The following SART1 variants were observed in gnomAD, a reference collection of about 807,000 sequenced individuals.
SART1 encodes the protein spliceosome associated factor 1, recruiter of U4/U6.U5 tri-snRNP.
A neutral mutation model predicts 105.0 loss-of-function variants in SART1; 28 were observed. The ratio of observed to expected loss-of-function variants is 0.27; its 90% CI spans 0.20 to 0.37. The LOEUF (loss-of-function observed/expected upper bound fraction) is 0.37. SART1 is among the 10% of genes least tolerant of loss of function. The probability of loss-of-function intolerance (pLI) is 1.00; values close to 1 mark genes in which losing one functional copy is unlikely to be tolerated. For missense variants in SART1, 894 were observed against 1,106.5 expected (o/e 0.81, Z 2.72); for synonymous variants, 472 against 462.9 (o/e 1.02, Z -0.25).
rs868022536 is a variant in SART1, at chr11:65,965,407, G to A, written c.620G>A (p.Ser207Asn). The A allele has an allele frequency of 4.5e-6, 7 of 1,569,546 alleles. No homozygotes were observed. The African/African-American group carries it at 8.2e-5, about 18-fold the overall frequency. ...LDDTAAWIERSRQLQKEKDLA... is the reference protein window; with the variant it reads ...LDDTAAWIERNRQLQKEKDLA... ...GACACTGCAGCCTGGATCGAGAGGA[G>A]CCGGCAGCTGCAGAAGGAGAAGGAC... The change falls in exon 5 of 20, where the codon AGC (serine) becomes AAC (asparagine). Residue 207 changes from serine (S) to asparagine (N), a missense_variant. Around this residue, in one of 2 missense-constraint regions of SART1, gnomAD observed 712 missense variants for 778.2 expected, o/e 0.91. Coordinates refer to ENST00000312397, the MANE Select transcript of SART1 (RefSeq NM_005146.5).
At position 65,978,093 on chromosome 11, in the gene SART1, TG is replaced by T; in HGVS notation, c.2172+197del. 1.6e-6 allele frequency: 1 copy of T among 621,676 alleles called. No individual in the cohort carries two copies. Among genetic ancestry groups the T allele is most frequent in the South Asian group, 2.0e-5 (1 of 51,028 alleles). The allele number at this position is 621,676 out of a possible 1,614,324, so 38.5% of individuals were successfully genotyped here. On this transcript the variant is annotated intron_variant, in intron 17 of 19. Transcript: ENST00000312397. The surrounding 1 kb of genome is among the most constrained non-coding windows in gnomAD (Gnocchi z 6.8). The stretch of plus-strand genomic sequence containing the variant: ...AGGCTGTGCCTCAGTTTGTCTCTAG[TG>T]GGCACAGCAGTCTCTTTGCAAGCCT...
chr11:65,967,705 T>C lies in SART1; in HGVS notation c.1456T>C (p.Ser486Pro). The change falls in exon 12 of 20, where the codon TCC becomes CCC. Residue 486 changes from serine (S) to proline (P), a missense_variant. Coordinates refer to ENST00000312397, the MANE Select transcript of SART1 (RefSeq NM_005146.5). ...EEEGGAPPPG[S>P]PQVLEEDEAE... is the part of the protein sequence containing the mutation. The stretch of plus-strand genomic sequence containing the variant: ...GGAAGGTGGAGCTCCACCGCCGGGG[T>C]CCCCGCAGGTGCTGGAGGAGGACGA... 3.2e-6 allele frequency: 5 copies of C among 1,560,932 alleles called. No homozygotes were observed. Among genetic ancestry groups the C allele is most frequent in the Non-Finnish European group, 4.3e-6 (5 of 1,152,438 alleles).
chr11:65,973,342 C>G (rs1185184166), intron 12 of SART1, among the ~76,000 whole-genome samples: 1 of 151,556 alleles, frequency 6.6e-6, no homozygotes, highest in Non-Finnish European at 1.5e-5. Context: ...ATCAACACAA[C>G]AGGAAAATAG....
At chr11:65,967,448 C>T in intron 10 of SART1, 23 bp from the exon 11 acceptor site, 1 of 1,613,678 alleles carries the variant, frequency 6.2e-7, no homozygotes, top group South Asian at 1.1e-5. Flanking sequence ...CCGGTGCTCA[C>T]CAGAGAGGCC....
At chr11:65,971,472 TGGTG>T in intron 12 of SART1, among the ~76,000 whole-genome samples, 1 of 41,846 alleles carries the variant, frequency 2.4e-5, no homozygotes, top group African/African-American at 1.2e-4. Flanking sequence ...AGGAGGGGGA[TGGTG>T]GGATTCATGA....
At chr11:65,974,098 C>T (rs1230489368) in intron 12 of SART1, among the ~76,000 whole-genome samples, 1 of 149,944 alleles carries the variant, frequency 6.7e-6, no homozygotes, top group African/African-American at 2.5e-5. Flanking sequence ...TGCGGTGGCT[C>T]ACACCTGTAA....
chr11:65,968,219 A>T (rs1189188812), intron 12 of SART1, among the ~76,000 whole-genome samples: 1 of 152,178 alleles, frequency 6.6e-6, no homozygotes, highest in Non-Finnish European at 1.5e-5. Context: ...AAATGCTAAA[A>T]TTACAGGTGT....
At chr11:65,972,061 C>T (rs1855389715) in intron 12 of SART1, among the ~76,000 whole-genome samples, 1 of 151,810 alleles carries the variant, frequency 6.6e-6, no homozygotes, top group Admixed American at 6.6e-5. Flanking sequence ...TAGGGCTTCC[C>T]GATATGAATT....
chr11:65,971,826 TGGAGTC>T (rs1429108111), intron 12 of SART1, among the ~76,000 whole-genome samples: 2 of 152,020 alleles, frequency 1.3e-5, no homozygotes, highest in Non-Finnish European at 1.5e-5. Flanking sequence ...GGACAGGGCC[TGGAGTC>T]GTGATGTGGT....
chr11:65,979,001 C>G lies in SART1; in HGVS notation c.2385-11C>G. 1 of 1,614,150 alleles carries G rather than the reference C, an allele frequency of 6.2e-7. No individual in the cohort carries two copies. The highest frequency in any genetic ancestry group is 8.5e-7 in the Non-Finnish European group (1 of 1,180,024). Reference sequence around the variant, plus strand: ...GCCTCTGCAGCCTCACGCCCCTGTTCTTCTCTGCAGGAACACCATCACCAA... The same window carrying G: ...GCCTCTGCAGCCTCACGCCCCTGTTGTTCTCTGCAGGAACACCATCACCAA... On this transcript the variant is annotated splice_polypyrimidine_tract_variant and intron_variant, in intron 19 of 19. Coordinates refer to ENST00000312397, the MANE Select transcript of SART1 (RefSeq NM_005146.5).
intron 12 of SART1, among the ~76,000 whole-genome samples, chr11:65,969,128 G>C (rs1047703921): frequency 1.3e-5 from 2 of 152,168 alleles, no homozygotes; most frequent in Non-Finnish European, 2.9e-5. Context: ...GGCTGAACCC[G>C]GGACGGAGGC....
At position 65,978,037 on chromosome 11, in the gene SART1, C is replaced by A; in HGVS notation, c.2172+138C>A. On this transcript the variant is annotated intron_variant, in intron 17 of 19. Coordinates refer to ENST00000312397, the MANE Select transcript of SART1 (RefSeq NM_005146.5). This position sits in a 1 kb window ranked among gnomAD's most constrained non-coding sequence, Gnocchi z 6.8. ...CTGGCTGGGGGCCTGGTGAATGCCA[C>A]GGATGGGGAGGGGGCCCTCAGGGCT... 1 of 922,422 alleles carries A rather than the reference C, an allele frequency of 1.1e-6. No homozygotes were observed. Among genetic ancestry groups the A allele is most frequent in the Non-Finnish European group, 1.6e-6 (1 of 619,306 alleles). 57.1% of individuals were successfully genotyped at this position (922,422 alleles called of 1,614,324 possible).
chr11:65,978,541 A>G lies in SART1; in HGVS notation c.2173-59A>G, dbSNP rs927688658. On this transcript the variant is annotated intron_variant, in intron 17 of 19. Coordinates refer to ENST00000312397, the MANE Select transcript of SART1 (RefSeq NM_005146.5). The surrounding 1 kb of genome is among the most constrained non-coding windows in gnomAD (Gnocchi z 6.8). ...CCCTGTTATTATACACCTTGTGGGC[A>G]CAGGTGGCTCCGGCCCCACCCAGGG... The G allele has an allele frequency of 6.7e-7, 1 of 1,490,740 alleles. No homozygotes were observed. The highest frequency in any genetic ancestry group is 9.1e-7 in the Non-Finnish European group (1 of 1,093,358). The allele number at this position is 1,490,740 out of a possible 1,614,324, so 92.3% of individuals were successfully genotyped here.
chr11:65,978,947 GGT>G lies in SART1; in HGVS notation c.2384+35_2384+36del, dbSNP rs1565319529. ...GCTCGAGGCTGGTGGGGTAGGGTGT[GGT>G]GGGGAGGGGTGGCGTGGCCTGTGCC... On this transcript the variant is annotated intron_variant, in intron 19 of 19. Transcript: ENST00000312397. This position sits in a 1 kb window ranked among gnomAD's most constrained non-coding sequence, Gnocchi z 6.8. 1 of 1,613,472 alleles carries G rather than the reference GGT, an allele frequency of 6.2e-7. No individual in the cohort carries two copies. Among genetic ancestry groups the G allele is most frequent in the Non-Finnish European group, 8.5e-7 (1 of 1,179,858 alleles).
chr11:65,966,646 G>A lies in SART1; in HGVS notation c.1188+90G>A, dbSNP rs796070352. 59 of 1,351,754 alleles carry A rather than the reference G, an allele frequency of 4.4e-5. No homozygotes were observed. In the African/African-American group the frequency reaches 7.2e-4, roughly 16 times the overall value. 83.7% of individuals were successfully genotyped at this position (1,351,754 alleles called of 1,614,324 possible). A position where few individuals can be genotyped will look rare whatever the true frequency, so the allele number is the denominator to read the frequency against. On this transcript the variant is annotated intron_variant, in intron 9 of 19. Coordinates refer to ENST00000312397, the MANE Select transcript of SART1 (RefSeq NM_005146.5). The stretch of plus-strand genomic sequence containing the variant: ...CCCGCAGGCACTGAGAAGACAGGGC[G>A]AGTATTTGTGTTCACAAAGCGCTTG...
Position 65,967,727 on chromosome 11 carries a change from A to G in SART1, c.1478A>G (p.Asp493Gly), listed in dbSNP as rs777419247. 2.6e-6 allele frequency: 4 copies of G among 1,557,104 alleles called. No individual in the cohort carries two copies. The highest frequency in any genetic ancestry group is 3.5e-6 in the Non-Finnish European group (4 of 1,150,552). The change falls in exon 12 of 20, where the codon GAC becomes GGC. Residue 493 changes from aspartate to glycine, a missense_variant. By Grantham distance (94) the Asp-to-Gly change is moderately conservative (BLOSUM62 -1). Coordinates refer to ENST00000312397, the MANE Select transcript of SART1 (RefSeq NM_005146.5). ...GGGTCCCCGCAGGTGCTGGAGGAGG[A>G]CGAGGCGGAGCTGGAGCTGCAGAAG... ...PPGSPQVLEE[D>G]EAELELQKQL...
Position 65,976,378 on chromosome 11 carries a change from G to T in SART1, c.1573-17G>T. The T allele has an allele frequency of 6.6e-7, 1 of 1,517,220 alleles. No individual in the cohort carries two copies. Among genetic ancestry groups the T allele is most frequent in the South Asian group, 1.3e-5 (1 of 74,224 alleles). The allele number at this position is 1,517,220 out of a possible 1,614,324, so 94.0% of individuals were successfully genotyped here. Reference sequence around the variant, plus strand: ...CCAGAAACTGCTGGGTTTGCCCACAGCCGCTCCCTCCCCCAGGTGGTGGAG... The same window carrying T: ...CCAGAAACTGCTGGGTTTGCCCACATCCGCTCCCTCCCCCAGGTGGTGGAG... On this transcript the variant is annotated splice_polypyrimidine_tract_variant and intron_variant, in intron 12 of 19. Coordinates refer to ENST00000312397, the MANE Select transcript of SART1 (RefSeq NM_005146.5). This position sits in a 1 kb window ranked among gnomAD's most constrained non-coding sequence, Gnocchi z 5.1.
At position 65,976,825 on chromosome 11, in the gene SART1, C is replaced by T; in HGVS notation, c.1857+59C>T. 1.4e-6 allele frequency: 2 copies of T among 1,419,536 alleles called. No homozygotes were observed. Among genetic ancestry groups the T allele is most frequent in the Non-Finnish European group, 1.9e-6 (2 of 1,030,756 alleles). 87.9% of individuals were successfully genotyped at this position (1,419,536 alleles called of 1,614,324 possible). ...GGGGTGCTCAAGCTGGAGATGAGCACCGGGCTCGGTGTCCAGAGCCTCAGC... is the reference window on the plus strand; with the variant it reads ...GGGGTGCTCAAGCTGGAGATGAGCATCGGGCTCGGTGTCCAGAGCCTCAGC... On this transcript the variant is annotated intron_variant, in intron 14 of 19. Coordinates refer to ENST00000312397, the MANE Select transcript of SART1 (RefSeq NM_005146.5). This position sits in a 1 kb window ranked among gnomAD's most constrained non-coding sequence, Gnocchi z 5.1.
chr11:65,964,169 A>G, intron 2 of SART1, 38 bp downstream of exon 2: 2 of 1,587,002 alleles, frequency 1.3e-6, no homozygotes, highest in Middle Eastern at 1.7e-4. Flanking sequence ...TTGTTTTTCT[A>G]AGAGAGGTGG....
Sources: gnomAD v4.1 joint callset for allele counts (sites outside exome capture counted in the v4.1 genomes callset) on GRCh38, gnomAD v4.1.1 for gene constraint, gnomAD v4.1.1 regional missense constraint, Gnocchi (gnomAD v3.1) non-coding constraint, MANE v1.5 for transcripts, NCBI Gene and HGNC (gene_info 2026-07-23, HGNC 2026-07-21) for gene names.